BNIP3: variants seen among roughly 807,000 people sequenced by gnomAD.
BNIP3 encodes BCL2 interacting protein 3, also known as BCL2/adenovirus E1B 19 kDa protein-interacting protein 3.
Under a neutral mutation model 23.9 loss-of-function variants are expected in BNIP3, and 16 were observed. The observed-to-expected ratio is 0.67, with a 90% CI of 0.45 to 1.01. The LOEUF is 1.01. Among genes scored for constraint, BNIP3 ranks in the 50% least tolerant of loss-of-function variants. BNIP3 has a pLI of 0.00. For missense variants in BNIP3, 198 were observed against 248.7 expected (o/e 0.80, Z 1.37); for synonymous variants, 81 against 89.3 (o/e 0.91, Z 0.53).
chr10:131,970,829 AAGGGGTGC>A lies in BNIP3; in HGVS notation c.389+27_389+34del. ...CGTGTCAGCTGATGTGTCCTCTGTC[AAGGGGTGC>A]CCCCGTGACACTGAGAACACACTCA... On this transcript the variant is annotated intron_variant, in intron 4 of 5. Coordinates refer to ENST00000368636, the MANE Select transcript of BNIP3 (RefSeq NM_004052.4). The surrounding 1 kb of genome is among the most constrained non-coding windows in gnomAD (Gnocchi z 4.1). The A allele has an allele frequency of 6.2e-7, 1 of 1,614,210 alleles. No homozygotes were observed. Among genetic ancestry groups the A allele is most frequent in the South Asian group, 1.1e-5 (1 of 91,090 alleles).
At position 131,974,807 on chromosome 10, in the gene BNIP3, C is replaced by A. The variant is rs375086140; in HGVS notation, c.47-864G>T. Among the ~76,000 whole-genome samples the A allele has an allele frequency of 9.9e-5, 15 of 152,272 alleles. No homozygotes were observed. In the East Asian group the frequency reaches 1.9e-3, roughly 20 times the overall value. ...GAACTGGTTCTTCGAATCTCTTATT[C>A]TTTTCTATTATCTGTCTTTCTCTTA... On this transcript the variant is annotated intron_variant, in intron 1 of 5. Transcript: ENST00000368636.
In BNIP3 at chr10:131,972,977, T is replaced by C. The variant is rs2037050151; in HGVS notation, c.282+57A>G. On this transcript the variant is annotated intron_variant, in intron 3 of 5. Coordinates refer to ENST00000368636, the MANE Select transcript of BNIP3 (RefSeq NM_004052.4). ...GTGCTCAATTACATTTAAAACCGTT[T>C]CCTGTACAAACAGATCACAAATACT... 5 of 1,537,976 alleles carry C rather than the reference T, an allele frequency of 3.3e-6. No homozygotes were observed. The South Asian group carries it at 4.5e-5, about 14-fold the overall frequency.
intron 5 of BNIP3, chr10:131,969,826 G>A (rs541280411): frequency 6.6e-5 from 10 of 152,376 alleles, no homozygotes; most frequent in African/African-American, 1.7e-4. Context: ...CCGCTGCGGC[G>A]AACGCTCTTC....
chr10:131,978,441 C>T (rs574244429), intron 1 of BNIP3, among the ~76,000 whole-genome samples: 7 of 152,134 alleles, frequency 4.6e-5, no homozygotes, highest in Admixed American at 2.6e-4. Context: ...AAGCAGTTCT[C>T]CCTCCAGTGA....
chr10:131,974,484 T>C (rs371481994), intron 1 of BNIP3, among the ~76,000 whole-genome samples: 178 of 152,306 alleles, frequency 1.2e-3, no homozygotes, highest in African/African-American at 3.8e-3. Context: ...AACTCCTGGG[T>C]TCAGGCCATC....
intron 5 of BNIP3, chr10:131,969,775 G>A (rs45605239): frequency 0.011 from 1,646 of 149,424 alleles, 27 homozygotes; most frequent in African/African-American, 0.04. Context: ...GGACCAGCCC[G>A]AGGAGGAGCC....
chr10:131,970,963 T>G lies in BNIP3; in HGVS notation c.290A>C (p.Glu97Ala). Reference protein sequence around the residue: ...IGEKNSSQSEEDDIERRKEVE... With the variant: ...IGEKNSSQSEADDIERRKEVE... ...TTCTTTCCTTCTTTCAATATCATCT[T>G]CCTCAGACTAAGATAAAGTCAATGT... is the stretch of plus-strand genomic sequence containing the variant. The change falls in exon 4 of 6, where the codon GAA becomes GCA. Residue 97 changes from glutamate to alanine, a missense_variant. By Grantham distance (107) the Glu-to-Ala change is moderately radical. Transcript: ENST00000368636. This position sits in a 1 kb window ranked among gnomAD's most constrained non-coding sequence, Gnocchi z 4.1. 6.2e-7 allele frequency: 1 copy of G among 1,613,702 alleles called. No homozygotes were observed. Among genetic ancestry groups the G allele is most frequent in the African/African-American group, 1.3e-5 (1 of 75,046 alleles).
In BNIP3 at chr10:131,968,320, T is replaced by C. The variant is rs759852326; in HGVS notation, c.*204A>G. On this transcript the variant is annotated 3_prime_UTR_variant, in exon 6 of 6. Transcript: ENST00000368636. ...ACAGTAGACATTAATCAGTCTGACA[T>C]GCTTATTGATCCCATAGGTGTAATT... The C allele has an allele frequency of 8.5e-6, 4 of 472,926 alleles. No homozygotes were observed. Among genetic ancestry groups the C allele is most frequent in the Non-Finnish European group, 1.1e-5 (3 of 263,852 alleles). 29.3% of individuals were successfully genotyped at this position (472,926 alleles called of 1,614,324 possible). A position where few individuals can be genotyped will look rare whatever the true frequency, so the allele number is the denominator to read the frequency against.
At position 131,970,723 on chromosome 10, in the gene BNIP3, T is replaced by G. The variant is rs778718616; in HGVS notation, c.454A>C (p.Lys152Gln). The change falls in exon 5 of 6, where the codon AAG (lysine) becomes CAG (glutamine). Residue 152 changes from lysine to glutamine, a missense_variant. Physicochemically the swap from Lys to Gln is moderately conservative, Grantham distance 53. Coordinates refer to ENST00000368636, the MANE Select transcript of BNIP3 (RefSeq NM_004052.4). The surrounding 1 kb of genome is among the most constrained non-coding windows in gnomAD (Gnocchi z 4.1). ...TCTGCAGAGAATATGCCCCCTTTCTTCATGACGCTCGTGTTCCTCATGCTG... is the reference window on the plus strand; with the variant it reads ...TCTGCAGAGAATATGCCCCCTTTCTGCATGACGCTCGTGTTCCTCATGCTG... ...TLSMRNTSVM[K>Q]KGGIFSAEFL... 3 of 1,614,072 alleles carry G rather than the reference T, an allele frequency of 1.9e-6. No individual in the cohort carries two copies. In the East Asian group the frequency reaches 6.7e-5, roughly 36 times the overall value.
rs1353899361 is a variant in BNIP3 at position 131,976,456 on chromosome 10, G to A, written c.47-2513C>T. On this transcript the variant is annotated intron_variant, in intron 1 of 5. Transcript: ENST00000368636. The surrounding 1 kb of genome is among the most constrained non-coding windows in gnomAD (Gnocchi z 4.3). ...TGCCAGTGCCTCTACCTACTCAGGGGATCCCACACACCTGCCTCAGGTTCA... is the reference window on the plus strand; with the variant it reads ...TGCCAGTGCCTCTACCTACTCAGGGAATCCCACACACCTGCCTCAGGTTCA... Among the ~76,000 whole-genome samples the A allele has an allele frequency of 6.6e-6, 1 of 152,136 alleles. No individual in the cohort carries two copies. Among genetic ancestry groups the A allele is most frequent in the Non-Finnish European group, 1.5e-5 (1 of 68,032 alleles).
intron 3 of BNIP3, among the ~76,000 whole-genome samples, 174 bp downstream of exon 3, chr10:131,972,860 A>G (rs574134858): frequency 6.6e-6 from 1 of 152,066 alleles, no homozygotes; most frequent in South Asian, 2.1e-4. Context: ...GTGCTTGTGG[A>G]TGTTCCCACC....
intron 1 of BNIP3, among the ~76,000 whole-genome samples, chr10:131,978,107 G>T (rs530488605): frequency 6.6e-5 from 10 of 152,264 alleles, no homozygotes; most frequent in Non-Finnish European, 1.0e-4. Flanking sequence ...GAAAGGTGCT[G>T]CTGTTGCTGC....
intron 1 of BNIP3, among the ~76,000 whole-genome samples, chr10:131,979,075 C>T (rs567758699): frequency 2.2e-4 from 34 of 152,298 alleles, no homozygotes; most frequent in African/African-American, 7.7e-4. Flanking sequence ...TCCTCCAGGA[C>T]CCTCCAGGGC....
At chr10:131,972,904 G>GT (rs1461489352) in intron 3 of BNIP3, 130 bp downstream of exon 3, 183 of 881,214 alleles carry the variant, frequency 2.1e-4, no homozygotes, top group East Asian at 2.7e-4. Context: ...TCGCTTTTTT[G>GT]TTTTTTTTAA....
At position 131,973,189 on chromosome 10, in the gene BNIP3, C is replaced by CA. The variant is rs761362125; in HGVS notation, c.198-72dup. 173 of 1,518,996 alleles carry CA rather than the reference C, an allele frequency of 1.1e-4. 1 individual carries two copies. The highest frequency in any genetic ancestry group is 8.5e-4 in the Middle Eastern group (5 of 5,866). The allele number at this position is 1,518,996 out of a possible 1,614,324, so 94.1% of individuals were successfully genotyped here. A position where few individuals can be genotyped will look rare whatever the true frequency, so the allele number is the denominator to read the frequency against. ...ATTCTATCATTAGAAGCTCAAACCC[C>CA]AAAGGCAGTGAACCGCCTCCGTGAT... On this transcript the variant is annotated intron_variant, in intron 2 of 5. Coordinates refer to ENST00000368636, the MANE Select transcript of BNIP3 (RefSeq NM_004052.4).
At chr10:131,974,418 C>T (rs45463797) in intron 1 of BNIP3, among the ~76,000 whole-genome samples, 2,796 of 152,316 alleles carry the variant, frequency 0.018, 84 homozygotes, top group African/African-American at 0.06. Flanking sequence ...GACGGAGTCT[C>T]GCTTTGTCAC....
rs1328281229 is a variant in BNIP3, at chr10:131,981,801, C to A, written c.6G>T (p.Ser2=). 2.0e-6 allele frequency: 3 copies of A among 1,479,646 alleles called. No homozygotes were observed. Among genetic ancestry groups the A allele is most frequent in the Non-Finnish European group, 2.7e-6 (3 of 1,120,706 alleles). 91.7% of individuals were successfully genotyped at this position (1,479,646 alleles called of 1,614,324 possible). M[S]QNGAPGMQEE... is the part of the protein sequence containing the mutation. Reference sequence around the variant, plus strand: ...CCTGCATCCCGGGCGCTCCGTTCTGCGACATGGCGCCAGAGGGCAACTGCG... The same window carrying A: ...CCTGCATCCCGGGCGCTCCGTTCTGAGACATGGCGCCAGAGGGCAACTGCG... Residue 2 remains serine (S), a synonymous_variant, in exon 1 of 6, where the codon TCG becomes TCT. Coordinates refer to ENST00000368636, the MANE Select transcript of BNIP3 (RefSeq NM_004052.4).
Position 131,970,300 on chromosome 10 carries a change from C to A in BNIP3, c.539+338G>T. ...CCTACAGCAGAGCTGGGTGCATTCC[C>A]GCCACAGTACTACACAGAAATGAGA... is the stretch of plus-strand genomic sequence containing the variant. On this transcript the variant is annotated intron_variant, in intron 5 of 5. Transcript: ENST00000368636. The surrounding 1 kb of genome is among the most constrained non-coding windows in gnomAD (Gnocchi z 4.1). 3.4e-6 allele frequency: 1 copy of A among 291,580 alleles called. No individual in the cohort carries two copies. The highest frequency in any genetic ancestry group is 5.5e-5 in the South Asian group (1 of 18,072). 18.1% of individuals were successfully genotyped at this position (291,580 alleles called of 1,614,324 possible).
At position 131,972,770 on chromosome 10, in the gene BNIP3, T is replaced by C. The variant is rs538576081; in HGVS notation, c.282+264A>G. Among the ~76,000 whole-genome samples the C allele has an allele frequency of 3.3e-5, 5 of 152,286 alleles. No homozygotes were observed. In the South Asian group the frequency reaches 1.0e-3, roughly 32 times the overall value. On this transcript the variant is annotated intron_variant, in intron 3 of 5. Coordinates refer to ENST00000368636, the MANE Select transcript of BNIP3 (RefSeq NM_004052.4). Reference sequence around the variant, plus strand: ...TTCCTCCTTTCCGGTGTATCCCTGATGGCAGGCAGGGAGGGACAGGAGGCC... The same window carrying C: ...TTCCTCCTTTCCGGTGTATCCCTGACGGCAGGCAGGGAGGGACAGGAGGCC...
Sources: allele counts gnomAD v4.1 joint callset (sites outside exome capture counted in the v4.1 genomes callset), GRCh38; gene constraint gnomAD v4.1.1; non-coding constraint Gnocchi (gnomAD v3.1); transcripts MANE v1.5; gene names NCBI Gene and HGNC (gene_info 2026-07-23, HGNC 2026-07-21).